Variants in KLHL2 observed in about 807,000 individuals in gnomAD.
KLHL2 encodes kelch-like protein 2.
Under a neutral mutation model 75.8 loss-of-function variants are expected in KLHL2, and 15 were observed. The ratio of observed to expected loss-of-function variants is 0.20; its 90% CI spans 0.13 to 0.30. The LOEUF is 0.30. KLHL2 is among the 10% of genes least tolerant of loss of function. The pLI, the probability that KLHL2 is intolerant of heterozygous loss-of-function variation, is 1.00. For missense variants in KLHL2, 381 were observed against 741.0 expected, an observed-to-expected ratio of 0.51 and a Z score of 5.64; for synonymous variants, 214 against 251.9, an observed-to-expected ratio of 0.85 and a Z score of 1.42.
At chr4:165,247,558 G>A (rs1415943046) in intron 4 of KLHL2, among the ~76,000 whole-genome samples, 1 of 151,998 alleles carries the variant, frequency 6.6e-6, no homozygotes, top group East Asian at 1.9e-4. Flanking sequence ...AAAGTGAGAG[G>A]GGTTGGCATC....
rs188533780 is a variant in KLHL2 at position 165,263,109 on chromosome 4, C to T, written c.382-88C>T. On this transcript the variant is annotated intron_variant, in intron 4 of 14. Coordinates refer to ENST00000226725, the MANE Select transcript of KLHL2 (RefSeq NM_007246.4). ...TATGGACGCAGATAATAAACTATGGCTGAACATCTTGTGTCCTATGTAGAA... is the reference window on the plus strand; with the variant it reads ...TATGGACGCAGATAATAAACTATGGTTGAACATCTTGTGTCCTATGTAGAA... The T allele has an allele frequency of 5.0e-5, 59 of 1,190,646 alleles. No homozygotes were observed. The East Asian group carries it at 1.3e-3, about 26-fold the overall frequency. The allele number at this position is 1,190,646 out of a possible 1,614,324, so 73.8% of individuals were successfully genotyped here. A position where few individuals can be genotyped will look rare whatever the true frequency, so the allele number is the denominator to read the frequency against.
At chr4:165,307,279 G>A (rs1034485780) in intron 9 of KLHL2, among the ~76,000 whole-genome samples, 1 of 152,204 alleles carries the variant, frequency 6.6e-6, no homozygotes, top group African/African-American at 2.4e-5. Context: ...CTGCACTCCA[G>A]CCTAGGCAAT....
At chr4:165,268,994 G>A (rs1189028718) in intron 5 of KLHL2, among the ~76,000 whole-genome samples, 1 of 152,170 alleles carries the variant, frequency 6.6e-6, no homozygotes, top group Middle Eastern at 3.2e-3. Context: ...ATGAATCTGG[G>A]TGCTTCTGTA....
chr4:165,208,127 G>C (rs1470547078), intron 1 of KLHL2, among the ~76,000 whole-genome samples: 1 of 151,970 alleles, frequency 6.6e-6, no homozygotes, highest in Non-Finnish European at 1.5e-5. Context: ...CTGGGGAAGG[G>C]TCTTCCCCAT....
chr4:165,313,903 C>T, intron 12 of KLHL2, 123 bp from the exon 13 acceptor site: 1 of 882,228 alleles, frequency 1.1e-6, no homozygotes, highest in Non-Finnish European at 1.7e-6. Context: ...GCTATAGTAT[C>T]AGCTTGCTTT....
intron 5 of KLHL2, among the ~76,000 whole-genome samples, chr4:165,273,990 T>C: frequency 6.6e-6 from 1 of 152,180 alleles, no homozygotes. Flanking sequence ...CAAATTACTT[T>C]CAAGTCAAAT....
intron 5 of KLHL2, among the ~76,000 whole-genome samples, chr4:165,283,100 G>T (rs887578635): frequency 2.6e-5 from 4 of 152,142 alleles, no homozygotes; most frequent in African/African-American, 7.2e-5. Context: ...TAATTCAGTT[G>T]TCTTCCACTG....
intron 4 of KLHL2, among the ~76,000 whole-genome samples, chr4:165,241,825 C>G (rs1031859971): frequency 3.3e-5 from 5 of 151,984 alleles, no homozygotes; most frequent in Non-Finnish European, 5.9e-5. Context: ...CAATATAATA[C>G]CTATTTGAAG....
chr4:165,281,713 A>G (rs992808866), intron 5 of KLHL2, among the ~76,000 whole-genome samples: 26 of 152,160 alleles, frequency 1.7e-4, no homozygotes, highest in African/African-American at 1.9e-4. Context: ...GAAAAGTTCA[A>G]TTGCTTTAGA....
rs1464633363 is a variant in KLHL2 at position 165,249,713 on chromosome 4, G to A, written c.381+10814G>A. On this transcript the variant is annotated intron_variant, in intron 4 of 14. Transcript: ENST00000226725. ...GATGTGCCAAACTCCACCAGACACA[G>A]TGGTTCATTGACACAGAGATTCTCA... Among the ~76,000 whole-genome samples the A allele has an allele frequency of 4.6e-5, 7 of 152,252 alleles. No individual in the cohort carries two copies. In the East Asian group the frequency reaches 1.2e-3, roughly 25 times the overall value.
At chr4:165,255,469 G>A (rs144828994) in intron 4 of KLHL2, among the ~76,000 whole-genome samples, 138 of 152,186 alleles carry the variant, frequency 9.1e-4, no homozygotes, top group Non-Finnish European at 1.6e-3. Flanking sequence ...GAGGAGGCAG[G>A]CGAGGTTGCA....
intron 1 of KLHL2, among the ~76,000 whole-genome samples, chr4:165,218,315 C>G (rs908298621): frequency 9.2e-5 from 14 of 152,124 alleles, no homozygotes. Context: ...CTGCACTCCC[C>G]TCTCCTGCTC....
intron 5 of KLHL2, among the ~76,000 whole-genome samples, chr4:165,268,554 C>T (rs1162975195): frequency 1.3e-5 from 2 of 152,256 alleles, no homozygotes; most frequent in East Asian, 3.9e-4. Context: ...TTATTTCTGC[C>T]TTCATTTCGT....
intron 10 of KLHL2, 92 bp from the exon 11 acceptor site, chr4:165,311,371 GC>G (rs1374371860): frequency 2.5e-6 from 2 of 795,928 alleles, no homozygotes; most frequent in African/African-American, 3.5e-5. Flanking sequence ...CTTAATTTTA[GC>G]CCAGTATAAC....
In KLHL2 at chr4:165,311,459, T is replaced by C; in HGVS notation, c.1238-5T>C. On this transcript the variant is annotated splice_polypyrimidine_tract_variant and splice_region_variant and intron_variant, in intron 10 of 14. Coordinates refer to ENST00000226725, the MANE Select transcript of KLHL2 (RefSeq NM_007246.4). ...GGAAATGAAGACTATTGTGCTTTAT[T>C]ATAGGTTTGTCATCTGTGGAAGCAT... 6.3e-7 allele frequency: 1 copy of C among 1,595,564 alleles called. No homozygotes were observed. The highest frequency in any genetic ancestry group is 8.6e-7 in the Non-Finnish European group (1 of 1,165,236).
chr4:165,282,777 A>G lies in KLHL2; in HGVS notation c.545-11582A>G, dbSNP rs565513780. 6.8e-5 allele frequency among the ~76,000 whole-genome samples: 10 copies of G among 146,134 alleles called. No individual in the cohort carries two copies. The South Asian group carries it at 1.9e-3, about 28-fold the overall frequency. ...TATCAGTGTTGCAAAATAAGAGTGA[A>G]AAAGATTTTAGAGCAACGTACAGAA... On this transcript the variant is annotated intron_variant, in intron 5 of 14. Transcript: ENST00000226725.
At chr4:165,248,661 G>A (rs193164175) in intron 4 of KLHL2, among the ~76,000 whole-genome samples, 11 of 152,312 alleles carry the variant, frequency 7.2e-5, no homozygotes, top group African/African-American at 2.6e-4. Flanking sequence ...TAGCATTTAA[G>A]AGAAAAATTA....
At chr4:165,243,108 A>G (rs1739953750) in intron 4 of KLHL2, among the ~76,000 whole-genome samples, 2 of 147,180 alleles carry the variant, frequency 1.4e-5, no homozygotes, top group African/African-American at 5.4e-5. Context: ...TATAACTGAA[A>G]ATTTTTTTCA....
In KLHL2 at chr4:165,210,160, A is replaced by G. The variant is rs778241802; in HGVS notation, c.26+2258A>G. 2.6e-6 allele frequency: 4 copies of G among 1,551,730 alleles called. No individual in the cohort carries two copies. In the South Asian group the frequency reaches 3.6e-5, roughly 14 times the overall value. ...AGTGCCTTATGGTATGGTTGGAAGC[A>G]CGGCCCCAGATTCTCTTTGTGTAAG... On this transcript the variant is annotated intron_variant, in intron 1 of 14. Transcript: ENST00000226725.
Sources: gnomAD v4.1 joint callset for allele counts (sites outside exome capture counted in the v4.1 genomes callset) on GRCh38, gnomAD v4.1.1 for gene constraint, MANE v1.5 for transcripts, NCBI Gene and HGNC (gene_info 2026-07-23, HGNC 2026-07-21) for gene names.